GALNT15: variants seen among roughly 807,000 people sequenced by gnomAD.
GALNT15 encodes the protein UDP-GalNAc transferase T15.
Under a neutral mutation model 66.8 loss-of-function variants are expected in GALNT15, and 67 were observed. The ratio of observed to expected loss-of-function variants is 1.00; its 90% CI spans 0.82 to 1.23. The LOEUF (loss-of-function observed/expected upper bound fraction) is 1.23. Among genes scored for constraint, GALNT15 ranks in the 50% most tolerant of loss-of-function variants. The probability of loss-of-function intolerance (pLI) is 0.00; values close to 1 mark genes in which losing one functional copy is unlikely to be tolerated. For synonymous variants in GALNT15, 313 were observed against 311.5 expected, an observed-to-expected ratio of 1.00 and a Z score of -0.05; for missense variants, 827 against 804.3, an observed-to-expected ratio of 1.03 and a Z score of -0.34.
Position 16,192,474 on chromosome 3 carries a change from T to G in GALNT15, c.540-3286T>G, listed in dbSNP as rs1190893129. ...AGCCCAATTAATAGTTTAGGGTTTT[T>G]TTTTTCATACCCACTAAATTCACTG... On this transcript the variant is annotated intron_variant, in intron 1 of 9. Transcript: ENST00000339732. Among the ~76,000 whole-genome samples, 3 of 152,156 alleles carry G rather than the reference T, an allele frequency of 2.0e-5. No homozygotes were observed. The East Asian group carries it at 5.8e-4, about 29-fold the overall frequency.
At chr3:16,246,321 GTTTTTTTTTTTTT>G in the GALNT15 span, among the ~76,000 whole-genome samples, 1 of 85,274 alleles carries the variant, frequency 1.2e-5, no homozygotes, top group Non-Finnish European at 2.3e-5. Flanking sequence ...TTTGAAAGTG[GTTTTTTTTTTTTT>G]TTTTTTTTTT....
intron 1 of GALNT15, among the ~76,000 whole-genome samples, chr3:16,194,222 G>A (rs2063608865): frequency 6.6e-6 from 1 of 152,198 alleles, no homozygotes; most frequent in African/African-American, 2.4e-5. Context: ...TCAGATGAAT[G>A]TGCAGTGATA....
rs748944203 is a variant in GALNT15 at position 16,175,680 on chromosome 3, C to T, written c.529C>T (p.Arg177Trp). 11 of 1,584,592 alleles carry T rather than the reference C, an allele frequency of 6.9e-6. No individual in the cohort carries two copies. The highest frequency in any genetic ancestry group is 1.8e-5 in the Admixed American group (1 of 55,648). The change falls in exon 1 of 10, where the codon CGG becomes TGG. Residue 177 changes from arginine to tryptophan, a missense_variant. Coordinates refer to ENST00000339732, the MANE Select transcript of GALNT15 (RefSeq NM_054110.5). The surrounding 1 kb of genome is among the most constrained non-coding windows in gnomAD (Gnocchi z 5.6). ...IPLQRALPEV[R>W]HPLCLQQHPQ... ...CCTCCAGAGGGCTCTGCCCGAGGTG[C>T]GGCACCCACTGTAAGTAAGGCCCTT...
chr3:16,179,825 T>C (rs1489909410), intron 1 of GALNT15, among the ~76,000 whole-genome samples: 1 of 151,856 alleles, frequency 6.6e-6, no homozygotes, highest in Non-Finnish European at 1.5e-5. Flanking sequence ...TGAGGCAAAA[T>C]AGAGAAGAGC....
intron 2 of GALNT15, among the ~76,000 whole-genome samples, chr3:16,199,349 C>T (rs9822277): frequency 0.019 from 2,687 of 142,142 alleles, 434 homozygotes; most frequent in African/African-American, 0.065. Context: ...CCTTCCTAAC[C>T]GTCTGGACTC....
In GALNT15 at chr3:16,208,521, G is replaced by A. The variant is rs112698459; in HGVS notation, c.930G>A (p.Pro310=). The change falls in exon 4 of 10, where the codon CCG becomes CCA. Residue 310 remains proline, a synonymous_variant. Coordinates refer to ENST00000339732, the MANE Select transcript of GALNT15 (RefSeq NM_054110.5). The part of the protein sequence containing the change: ...IAGDRSRVVS[P]VIDVIDWKTF... ...TTTCCAGGAGCCGAGTGGTATCTCC[G>A]GTGATAGATGTGATTGACTGGAAGA... The A allele has an allele frequency of 7.4e-5, 120 of 1,613,976 alleles. No individual in the cohort carries two copies. In the African/African-American group the frequency reaches 1.0e-3, roughly 13 times the overall value.
rs949334113 is a variant in GALNT15 at position 16,211,341 on chromosome 3, G to A, written c.1197+100G>A. ...ATTAGAAATGTCACTGGGAAGGAAT[G>A]AGGCTGTGGGAAAATTATAAAGTCA... On this transcript the variant is annotated intron_variant, in intron 5 of 9. Transcript: ENST00000339732. This position sits in a 1 kb window ranked among gnomAD's most constrained non-coding sequence, Gnocchi z 4.3. The A allele has an allele frequency of 1.3e-6, 1 of 754,170 alleles. No individual in the cohort carries two copies. Among genetic ancestry groups the A allele is most frequent in the Non-Finnish European group, 2.3e-6 (1 of 430,518 alleles). 46.7% of individuals were successfully genotyped at this position (754,170 alleles called of 1,614,324 possible). A position where few individuals can be genotyped will look rare whatever the true frequency, so the allele number is the denominator to read the frequency against.
chr3:16,243,894 C>T, the GALNT15 span: 1 of 557,346 alleles, frequency 1.8e-6, no homozygotes, highest in African/African-American at 2.0e-5. Context: ...TCTCACTCCA[C>T]CACAGCCACA....
the GALNT15 span, among the ~76,000 whole-genome samples, chr3:16,240,338 G>A: frequency 3.3e-5 from 5 of 152,282 alleles, no homozygotes; most frequent in East Asian, 3.9e-4. Context: ...GCCTTGTCCC[G>A]TGTGTTTTCT....
chr3:16,190,982 A>G (rs1157112168), intron 1 of GALNT15, among the ~76,000 whole-genome samples: 1 of 152,244 alleles, frequency 6.6e-6, no homozygotes, highest in Non-Finnish European at 1.5e-5. Context: ...AGCTGATGCC[A>G]GGAGACCTGC....
downstream of GALNT15, among the ~76,000 whole-genome samples, chr3:16,236,729 A>G (rs1415013254): frequency 6.6e-6 from 1 of 152,236 alleles, no homozygotes; most frequent in East Asian, 1.9e-4. Context: ...TTTATAAAAA[A>G]GTAGGAATAA....
Position 16,175,442 on chromosome 3 carries a change from G to A in GALNT15, c.291G>A (p.Val97=). Residue 97 remains valine, a synonymous_variant, in exon 1 of 10, where the codon GTG becomes GTA. Transcript: ENST00000339732. This position sits in a 1 kb window ranked among gnomAD's most constrained non-coding sequence, Gnocchi z 5.6. ...FISLREDQLL[V]AVALPQARRN... ...CACTGCGGGAGGATCAGCTGCTGGT[G>A]GCCGTGGCCTTACCCCAGGCCAGAA... is the stretch of plus-strand genomic sequence containing the variant. 2 of 1,614,180 alleles carry A rather than the reference G, an allele frequency of 1.2e-6. No individual in the cohort carries two copies. Among genetic ancestry groups the A allele is most frequent in the Non-Finnish European group, 1.7e-6 (2 of 1,180,028 alleles).
chr3:16,231,418 G>C (rs1352511659), downstream of GALNT15, among the ~76,000 whole-genome samples: 2 of 152,178 alleles, frequency 1.3e-5, no homozygotes, highest in Non-Finnish European at 2.9e-5. This position sits in a 1 kb window ranked among gnomAD's most constrained non-coding sequence, Gnocchi z 4.1. Flanking sequence ...TATGTCCTAA[G>C]CATTGTTTTA....
chr3:16,201,416 C>T (rs1039268630), intron 3 of GALNT15, among the ~76,000 whole-genome samples: 3 of 152,050 alleles, frequency 2.0e-5, no homozygotes, highest in South Asian at 2.1e-4. Flanking sequence ...CTCCTGACTT[C>T]GTGATCCGCC....
chr3:16,228,795 G>A lies in GALNT15; in HGVS notation c.*1295G>A, dbSNP rs902085790. The A allele has an allele frequency of 1.0e-6, 1 of 985,286 alleles. No homozygotes were observed. The highest frequency in any genetic ancestry group is 1.7e-5 in the African/African-American group (1 of 57,214). The allele number at this position is 985,286 out of a possible 1,614,324, so 61.0% of individuals were successfully genotyped here. A position where few individuals can be genotyped will look rare whatever the true frequency, so the allele number is the denominator to read the frequency against. On this transcript the variant is annotated 3_prime_UTR_variant, in exon 10 of 10. Coordinates refer to ENST00000339732, the MANE Select transcript of GALNT15 (RefSeq NM_054110.5). ...AAAATTCTTATGACAGGTAACATTT[G>A]GGTGTTAATGTCCATGAGAGCTGAC...
chr3:16,216,449 A>G lies in GALNT15; in HGVS notation c.1393-2954A>G, dbSNP rs2063878792. Among the ~76,000 whole-genome samples the G allele has an allele frequency of 2.0e-5, 3 of 151,036 alleles. No individual in the cohort carries two copies. The South Asian group carries it at 6.3e-4, about 32-fold the overall frequency. The stretch of plus-strand genomic sequence containing the variant: ...GGGAGGTGGAGTTTGTAGTGAGCTG[A>G]TATCGCCCCACTGCACTTTAGCCTG... On this transcript the variant is annotated intron_variant, in intron 6 of 9. Transcript: ENST00000339732.
chr3:16,213,794 G>A (rs565080481), intron 6 of GALNT15, among the ~76,000 whole-genome samples: 1 of 152,316 alleles, frequency 6.6e-6, no homozygotes, highest in African/African-American at 2.4e-5. Context: ...GGACATGCCT[G>A]AGTGCAGGGC....
At chr3:16,242,780 AAAAAG>A in the GALNT15 span, among the ~76,000 whole-genome samples, 6 of 152,108 alleles carry the variant, frequency 3.9e-5, no homozygotes, top group Non-Finnish European at 5.9e-5. This position sits in a 1 kb window ranked among gnomAD's most constrained non-coding sequence, Gnocchi z 5.6. Context: ...CCCTGTCTCA[AAAAAG>A]AAAAGAAAAG....
intron 3 of GALNT15, among the ~76,000 whole-genome samples, chr3:16,202,247 A>C (rs567133485): frequency 4.2e-4 from 64 of 152,256 alleles, no homozygotes; most frequent in Non-Finnish European, 8.1e-4. Context: ...AATGTTTCCC[A>C]GTTTCATGAG....
Sources: allele counts gnomAD v4.1 joint callset (sites outside exome capture counted in the v4.1 genomes callset), GRCh38; gene constraint gnomAD v4.1.1; non-coding constraint Gnocchi (gnomAD v3.1); transcripts MANE v1.5; gene names NCBI Gene and HGNC (gene_info 2026-07-23, HGNC 2026-07-21).